The following MYLK variants were observed in gnomAD, a reference collection of about 807,000 sequenced individuals.
MYLK encodes myosin light chain kinase, smooth muscle.
MYLK carries 106 observed loss-of-function variants against 203.4 expected under a neutral mutation model. The observed-to-expected ratio is 0.52, with a 90% CI of 0.45 to 0.61. The LOEUF is 0.61. Ranked by LOEUF, MYLK falls within the 20% of genes least tolerant of loss-of-function variation. The probability of loss-of-function intolerance (pLI) is 0.00; values close to 1 mark genes in which losing one functional copy is unlikely to be tolerated. For synonymous variants in MYLK, 867 were observed against 959.5 expected, an observed-to-expected ratio of 0.90 and a Z score of 1.78; for missense variants, 2,072 against 2,442.3, an observed-to-expected ratio of 0.85 and a Z score of 3.20.
chr3:123,855,594 G>C (rs1311708496), intron 2 of MYLK, among the ~76,000 whole-genome samples: 2 of 151,870 alleles, frequency 1.3e-5, no homozygotes, highest in African/African-American at 4.8e-5. Context: ...AGTTATGATT[G>C]TGCTACTCTG....
chr3:123,638,312 GCA>G (rs2058717157), intron 28 of MYLK, 118 bp from the exon 29 acceptor site: 4 of 1,450,822 alleles, frequency 2.8e-6, no homozygotes, highest in Admixed American at 1.8e-5. Flanking sequence ...ACAGGCTTTG[GCA>G]CAGAGAACAG....
At chr3:123,767,087 C>T (rs185148319) in intron 4 of MYLK, among the ~76,000 whole-genome samples, 43 of 152,322 alleles carry the variant, frequency 2.8e-4, no homozygotes, top group Admixed American at 2.6e-3. Flanking sequence ...TAGTAAAAAA[C>T]AAAACTCAAA....
chr3:123,751,563 T>A (rs1454014635), intron 5 of MYLK, among the ~76,000 whole-genome samples: 1 of 152,240 alleles, frequency 6.6e-6, no homozygotes, highest in Non-Finnish European at 1.5e-5. Context: ...AAGATGATGT[T>A]AATGAGGATA....
chr3:123,762,199 C>G (rs1188424188), intron 4 of MYLK, among the ~76,000 whole-genome samples: 1 of 152,058 alleles, frequency 6.6e-6, no homozygotes, highest in African/African-American at 2.4e-5. Flanking sequence ...TTCCATTATT[C>G]CTAAACAATA....
At chr3:123,752,196 C>G in intron 5 of MYLK, 135 bp downstream of exon 5, 1 of 907,946 alleles carries the variant, frequency 1.1e-6, no homozygotes, top group Non-Finnish European at 1.8e-6. Context: ...ATTGGAAGGT[C>G]CGGGGTTCAA....
intron 18 of MYLK, chr3:123,698,948 C>G (rs2061051633): frequency 6.6e-6 from 1 of 152,194 alleles, no homozygotes; most frequent in African/African-American, 2.4e-5. Flanking sequence ...AGGAAGAGCA[C>G]TCTGACACCT....
chr3:123,716,792 G>C (rs1184092606), intron 13 of MYLK, among the ~76,000 whole-genome samples: 1 of 152,166 alleles, frequency 6.6e-6, no homozygotes, highest in African/African-American at 2.4e-5. Flanking sequence ...GGGCTGTAGA[G>C]GTGGAGAGTT....
intron 13 of MYLK, among the ~76,000 whole-genome samples, chr3:123,717,440 A>G (rs1279915416): frequency 6.6e-6 from 1 of 152,182 alleles, no homozygotes; most frequent in Non-Finnish European, 1.5e-5. Flanking sequence ...TTTTTAACCT[A>G]CCCACATTTT....
At chr3:123,763,052 A>G (rs2063586135) in intron 4 of MYLK, among the ~76,000 whole-genome samples, 1 of 152,240 alleles carries the variant, frequency 6.6e-6, no homozygotes, top group Non-Finnish European at 1.5e-5. Flanking sequence ...GACATTACAC[A>G]TCGACATGAC....
At chr3:123,821,268 TATA>T (rs1401500722) in intron 3 of MYLK, among the ~76,000 whole-genome samples, 9 of 151,350 alleles carry the variant, frequency 5.9e-5, no homozygotes, top group Non-Finnish European at 8.9e-5. Context: ...AAAGATCTCT[TATA>T]ATATATTTTA....
In MYLK at chr3:123,625,626, G is replaced by A. The variant is rs2058104908; in HGVS notation, c.5238+1192C>T. On this transcript the variant is annotated intron_variant, in intron 31 of 33. Transcript: ENST00000360304. ...GATTGAGACCATCCTGGCTAACACG[G>A]TGAAACCCTGTCTCCACTAAAAATA... Among the ~76,000 whole-genome samples, 3 of 151,962 alleles carry A rather than the reference G, an allele frequency of 2.0e-5. No individual in the cohort carries two copies. The South Asian group carries it at 6.2e-4, about 32-fold the overall frequency.
intron 13 of MYLK, among the ~76,000 whole-genome samples, chr3:123,715,246 A>G (rs1388819233): frequency 6.6e-6 from 1 of 152,232 alleles, no homozygotes; most frequent in African/African-American, 2.4e-5. Flanking sequence ...CAAATGACCT[A>G]TCAGGATCCA....
intron 3 of MYLK, among the ~76,000 whole-genome samples, chr3:123,803,694 A>G (rs1321941259): frequency 6.6e-6 from 1 of 152,216 alleles, no homozygotes; most frequent in African/African-American, 2.4e-5. Flanking sequence ...ATATCCAACC[A>G]AAAAGACTTC....
At chr3:123,792,484 T>C (rs2064817110) in intron 4 of MYLK, among the ~76,000 whole-genome samples, 1 of 152,212 alleles carries the variant, frequency 6.6e-6, no homozygotes. Flanking sequence ...CCTTTCTACT[T>C]TCTGTCTCTA....
rs577260392 is a variant in MYLK, at chr3:123,871,898, A to T, written c.-127+4661T>A. The stretch of plus-strand genomic sequence containing the variant: ...GACACAAAAAACTTCAATGAAATTG[A>T]GTAAACCAAATCCAGCAATATATAA... On this transcript the variant is annotated intron_variant, in intron 2 of 33. Coordinates refer to ENST00000360304, the MANE Select transcript of MYLK (RefSeq NM_053025.4). Among the ~76,000 whole-genome samples the T allele has an allele frequency of 1.3e-3, 73 of 56,368 alleles. 2 individuals carry two copies. The highest frequency in any genetic ancestry group is 3.1e-3 in the Non-Finnish European group (52 of 16,828). 37.0% of individuals were successfully genotyped at this position (56,368 alleles called of 152,430 possible). A position where few individuals can be genotyped will look rare whatever the true frequency, so the allele number is the denominator to read the frequency against.
chr3:123,666,390 A>C, intron 21 of MYLK, 44 bp from the exon 22 acceptor site: 1 of 1,613,616 alleles, frequency 6.2e-7, no homozygotes, highest in Non-Finnish European at 8.5e-7. Context: ...GAAGGGTCTC[A>C]GGCATTCTGA....
chr3:123,774,794 C>T (rs2064008457), intron 4 of MYLK, among the ~76,000 whole-genome samples: 1 of 152,188 alleles, frequency 6.6e-6, no homozygotes, highest in Non-Finnish European at 1.5e-5. Flanking sequence ...CTTCTGAATG[C>T]TTCTTTCCTA....
chr3:123,853,656 C>A (rs958609267), intron 2 of MYLK, among the ~76,000 whole-genome samples: 1 of 152,046 alleles, frequency 6.6e-6, no homozygotes, highest in Non-Finnish European at 1.5e-5. Context: ...AGCTGCCGTA[C>A]CCAAGGAGCT....
At chr3:123,680,058 C>T (rs1322376963) in intron 20 of MYLK, among the ~76,000 whole-genome samples, 1 of 152,172 alleles carries the variant, frequency 6.6e-6, no homozygotes, top group African/African-American at 2.4e-5. Context: ...GGTCTGGGGG[C>T]AGGGGAAGCC....
Sources: gnomAD v4.1 joint callset for allele counts (sites outside exome capture counted in the v4.1 genomes callset) on GRCh38, gnomAD v4.1.1 for gene constraint, MANE v1.5 for transcripts, NCBI Gene and HGNC (gene_info 2026-07-23, HGNC 2026-07-21) for gene names.